Variants in USH2A observed in about 807,000 individuals in gnomAD.
USH2A encodes the protein Usher syndrome 2A (autosomal recessive, mild).
Under a neutral mutation model 538.9 loss-of-function variants are expected in USH2A, and 443 were observed. That is an observed-to-expected ratio of 0.82 (90% CI 0.76 to 0.89). USH2A has a LOEUF of 0.89. Among genes scored for constraint, USH2A ranks in the 40% least tolerant of loss-of-function variants. The pLI is 0.00. For missense variants in USH2A, 6,633 were observed against 6,324.8 expected (o/e 1.05, Z -1.65); for synonymous variants, 2,413 against 2,273.5 (o/e 1.06, Z -1.75).
chr1:215,988,366 C>T (rs1667929262), intron 35 of USH2A, among the ~76,000 whole-genome samples: 1 of 152,160 alleles, frequency 6.6e-6, no homozygotes, highest in South Asian at 2.1e-4. Context: ...ACAGGACTTC[C>T]TTCTTTTTAA....
chr1:216,400,234 ATAT>A (rs1202949131), intron 3 of USH2A, among the ~76,000 whole-genome samples: 3 of 151,040 alleles, frequency 2.0e-5, no homozygotes, highest in Non-Finnish European at 3.0e-5. Flanking sequence ...ATATATATAT[ATAT>A]AAAAGATCCA....
intron 47 of USH2A, among the ~76,000 whole-genome samples, chr1:215,819,303 A>G (rs1318868515): frequency 6.6e-6 from 1 of 151,772 alleles, no homozygotes; most frequent in Non-Finnish European, 1.5e-5. Flanking sequence ...ACTGGACCCT[A>G]TCAGAATTCC....
At chr1:216,020,067 C>G (rs1023302768) in intron 32 of USH2A, among the ~76,000 whole-genome samples, 1 of 152,110 alleles carries the variant, frequency 6.6e-6, no homozygotes, top group East Asian at 1.9e-4. Context: ...TCTTTTAAAA[C>G]AGCAATTTTC....
At chr1:215,938,198 C>T (rs1007238328) in intron 37 of USH2A, among the ~76,000 whole-genome samples, 2 of 152,206 alleles carry the variant, frequency 1.3e-5, no homozygotes, top group South Asian at 4.1e-4. Flanking sequence ...AACTATACAG[C>T]TGAGTGAGTC....
chr1:215,963,680 C>T (rs1667258277), intron 37 of USH2A, among the ~76,000 whole-genome samples: 1 of 152,072 alleles, frequency 6.6e-6, no homozygotes. Context: ...TCCTCCAGCT[C>T]TACATAAATC....
intron 20 of USH2A, among the ~76,000 whole-genome samples, chr1:216,185,435 A>G (rs1354795012): frequency 6.6e-6 from 1 of 151,978 alleles, no homozygotes; most frequent in Non-Finnish European, 1.5e-5. Context: ...ACCGAGATTT[A>G]AGGGGGCAAC....
intron 39 of USH2A, 91 bp downstream of exon 39, chr1:215,900,664 T>A: frequency 6.4e-7 from 1 of 1,552,996 alleles, no homozygotes. Flanking sequence ...TAACCTATAT[T>A]TTTTGCAAAT....
Position 215,674,868 on chromosome 1 carries a change from C to G in USH2A, c.13043G>C (p.Ser4348Thr). The change falls in exon 63 of 72, where the codon AGC becomes ACC. Residue 4348 changes from serine (S) to threonine (T), a missense_variant. By Grantham distance (58) the Ser-to-Thr change is moderately conservative. Transcript: ENST00000307340. Reference protein sequence around the residue: ...SGGCSTSKPTSITTLEAAPSE... With the variant: ...SGGCSTSKPTTITTLEAAPSE... The stretch of plus-strand genomic sequence containing the variant: ...TGGAGCAGCCTCCAGAGTTGTGATG[C>G]TGGTGGGTTTGCTGGTGGAGCATCC... 6.2e-7 allele frequency: 1 copy of G among 1,614,106 alleles called. No individual in the cohort carries two copies. Among genetic ancestry groups the G allele is most frequent in the Non-Finnish European group, 8.5e-7 (1 of 1,180,012 alleles).
chr1:215,973,404 G>A (rs1667541247), intron 35 of USH2A, among the ~76,000 whole-genome samples: 1 of 152,072 alleles, frequency 6.6e-6, no homozygotes, highest in Non-Finnish European at 1.5e-5. Context: ...ACACTTACCT[G>A]TCTTCTCACA....
chr1:215,648,806 C>T (rs778037000), intron 65 of USH2A, 40 bp from the exon 66 acceptor site: 4 of 1,580,560 alleles, frequency 2.5e-6, no homozygotes, highest in Non-Finnish European at 2.6e-6. Context: ...CAGTGTCAAA[C>T]ATTAAAGGTG....
chr1:215,674,755 T>A lies in USH2A; in HGVS notation c.13156A>T (p.Ile4386Phe). ...WSPPTVQNGK[I>F]TKYLVRYDNK... ...TCATATCTAACTAAATATTTAGTAA[T>A]CTTTCCATTTTGCACTGTGGGCGGT... The change falls in exon 63 of 72, where the codon ATT becomes TTT. Residue 4386 changes from isoleucine (I) to phenylalanine (F), a missense_variant. Ile to Phe is a conservative substitution (Grantham distance 21). Transcript: ENST00000307340. 1.9e-6 allele frequency: 3 copies of A among 1,614,148 alleles called. No homozygotes were observed. The highest frequency in any genetic ancestry group is 1.1e-5 in the South Asian group (1 of 91,086).
In USH2A at chr1:216,048,566, G is replaced by A. The variant is rs1209837469; in HGVS notation, c.6131C>T (p.Ser2044Leu). Residue 2044 changes from serine to leucine, a missense_variant, in exon 31 of 72, where the codon TCA becomes TTA. Ser to Leu is a moderately radical substitution (Grantham distance 145, BLOSUM62 -2). Coordinates refer to ENST00000307340, the MANE Select transcript of USH2A (RefSeq NM_206933.4). Reference sequence around the variant, plus strand: ...TGGAGTAGAGATGTTCAATGCATGTGAGCTCTCAGTACAGCCAGCCAAAGT... The same window carrying A: ...TGGAGTAGAGATGTTCAATGCATGTAAGCTCTCAGTACAGCCAGCCAAAGT... ...ACTLAGCTESSHALNISTPQE... is the reference protein window; with the variant it reads ...ACTLAGCTESLHALNISTPQE... 6.2e-7 allele frequency: 1 copy of A among 1,614,056 alleles called. No individual in the cohort carries two copies. The highest frequency in any genetic ancestry group is 1.3e-5 in the African/African-American group (1 of 75,014).
chr1:216,132,180 A>C (rs2033390936), intron 21 of USH2A, among the ~76,000 whole-genome samples: 1 of 152,048 alleles, frequency 6.6e-6, no homozygotes, highest in Admixed American at 6.6e-5. Context: ...GCATTACCTT[A>C]CTTGTCTTTC....
chr1:216,015,830 A>T (rs1288049067), intron 32 of USH2A, among the ~76,000 whole-genome samples: 1 of 152,174 alleles, frequency 6.6e-6, no homozygotes, highest in African/African-American at 2.4e-5. Context: ...TGACCTAGCT[A>T]TCCCATTACT....
At chr1:216,136,063 G>A (rs540069552) in intron 21 of USH2A, among the ~76,000 whole-genome samples, 2 of 152,062 alleles carry the variant, frequency 1.3e-5, no homozygotes, top group East Asian at 3.9e-4. Flanking sequence ...TAACTCTCTT[G>A]CATATTAATA....
In USH2A at chr1:215,790,187, C is replaced by T; in HGVS notation, c.10054G>A (p.Asp3352Asn). Residue 3352 changes from aspartate (D) to asparagine (N), a missense_variant, in exon 51 of 72, where the codon GAC becomes AAC. Coordinates refer to ENST00000307340, the MANE Select transcript of USH2A (RefSeq NM_206933.4). ...GESKAHIKKN[D>N]PVPVKCCETE... ...TCACAGCATTTTACTGGCACCGGGT[C>T]ATTCTTTTTAATATGTGCTTTAGAC... 6.2e-7 allele frequency: 1 copy of T among 1,614,074 alleles called. No homozygotes were observed. Among genetic ancestry groups the T allele is most frequent in the Non-Finnish European group, 8.5e-7 (1 of 1,179,998 alleles).
intron 4 of USH2A, among the ~76,000 whole-genome samples, chr1:216,347,818 A>G (rs2038208328): frequency 6.6e-6 from 1 of 152,152 alleles, no homozygotes; most frequent in Non-Finnish European, 1.5e-5. Flanking sequence ...AAGTAAGTTT[A>G]GAGTCAGCTA....
chr1:215,640,874 T>G, intron 67 of USH2A, 140 bp from the exon 68 acceptor site: 1 of 936,622 alleles, frequency 1.1e-6, no homozygotes. Flanking sequence ...AAAACCAACA[T>G]TGCTAGAATC....
intron 35 of USH2A, among the ~76,000 whole-genome samples, chr1:215,979,274 TGGGGATTTTCACAATTCAA>T (rs1667695225): frequency 6.6e-6 from 1 of 151,996 alleles, no homozygotes; most frequent in South Asian, 2.1e-4. Flanking sequence ...CCATGACACA[TGGGGATTTTCACAATTCAA>T]GGTGAGATTT....
Sources: allele counts gnomAD v4.1 joint callset (sites outside exome capture counted in the v4.1 genomes callset), GRCh38; gene constraint gnomAD v4.1.1; transcripts MANE v1.5; gene names NCBI Gene and HGNC (gene_info 2026-07-23, HGNC 2026-07-21).